The following MTMR3 variants were observed in gnomAD, a reference collection of about 807,000 sequenced individuals.
The protein encoded by MTMR3 is phosphatidylinositol-3,5-bisphosphate 3-phosphatase MTMR3.
MTMR3 carries 32 observed loss-of-function variants against 132.4 expected under a neutral mutation model. The observed-to-expected ratio is 0.24, with a 90% CI of 0.18 to 0.32. MTMR3 has a LOEUF of 0.32. Ranked by LOEUF, MTMR3 falls within the 10% of genes least tolerant of loss-of-function variation. The pLI is 1.00. For synonymous variants in MTMR3, 556 were observed against 550.3 expected (o/e 1.01, Z -0.14); for missense variants, 1,216 against 1,489.6 (o/e 0.82, Z 3.02).
intron 1 of MTMR3, among the ~76,000 whole-genome samples, chr22:29,883,842 G>T (rs1041722745): frequency 1.1e-4 from 16 of 152,196 alleles, no homozygotes; most frequent in African/African-American, 3.1e-4. Context: ...CCTGGGCCTT[G>T]TGGAAAGGAG....
intron 1 of MTMR3, among the ~76,000 whole-genome samples, chr22:29,901,178 A>G (rs1190906537): frequency 2.0e-5 from 3 of 151,956 alleles, no homozygotes; most frequent in African/African-American, 7.2e-5. Context: ...ATTGATGTTA[A>G]TATTTATTAC....
intron 1 of MTMR3, among the ~76,000 whole-genome samples, chr22:29,930,937 G>A (rs1030287195): frequency 2.0e-5 from 3 of 151,068 alleles, no homozygotes; most frequent in African/African-American, 7.3e-5. Context: ...ATCCTGGGAG[G>A]TGGAGGCTGC....
At chr22:29,946,268 GGGA>G (rs2065952500) in intron 1 of MTMR3, among the ~76,000 whole-genome samples, 1 of 152,142 alleles carries the variant, frequency 6.6e-6, no homozygotes, top group African/African-American at 2.4e-5. Flanking sequence ...AGCTGTGGTG[GGGA>G]GAAGAGAGAG....
chr22:29,911,008 A>G (rs542455511), intron 1 of MTMR3, among the ~76,000 whole-genome samples: 60 of 152,314 alleles, frequency 3.9e-4, no homozygotes, highest in African/African-American at 1.3e-3. Flanking sequence ...ACACTTAATT[A>G]TACTAGTAAA....
chr22:30,017,797 T>C, intron 15 of MTMR3, 130 bp from the exon 16 acceptor site: 1 of 1,160,242 alleles, frequency 8.6e-7, no homozygotes, highest in East Asian at 2.4e-5. Flanking sequence ...CCATTGGTGC[T>C]GCTTCTTTGT....
chr22:29,978,843 CAG>C, intron 4 of MTMR3, 91 bp from the exon 5 acceptor site: 1 of 929,006 alleles, frequency 1.1e-6, no homozygotes. Flanking sequence ...ACTTCAGTGG[CAG>C]AGGATTTACC....
At chr22:29,897,783 G>T (rs974482766) in intron 1 of MTMR3, among the ~76,000 whole-genome samples, 4 of 151,976 alleles carry the variant, frequency 2.6e-5, no homozygotes, top group African/African-American at 7.3e-5. Context: ...ATATGCATAC[G>T]GTTGGAGTCC....
At chr22:29,896,871 A>T (rs78176430) in intron 1 of MTMR3, among the ~76,000 whole-genome samples, 167 of 79,442 alleles carry the variant, frequency 2.1e-3, no homozygotes, top group Non-Finnish European at 3.1e-3. Flanking sequence ...GGCTTGTCTC[A>T]CACACACACA....
intron 1 of MTMR3, among the ~76,000 whole-genome samples, chr22:29,895,491 T>A (rs1040931959): frequency 6.6e-6 from 1 of 152,128 alleles, no homozygotes; most frequent in African/African-American, 2.4e-5. Context: ...CTGCAAAAAA[T>A]TTTCTAGATG....
intron 2 of MTMR3, among the ~76,000 whole-genome samples, chr22:29,964,607 T>C (rs887338132): frequency 6.6e-6 from 1 of 152,188 alleles, no homozygotes; most frequent in Non-Finnish European, 1.5e-5. Context: ...TCTAGGCCTC[T>C]ACCTAAACCT....
chr22:29,918,317 C>T (rs568629125), intron 1 of MTMR3, among the ~76,000 whole-genome samples: 8 of 152,252 alleles, frequency 5.3e-5, no homozygotes, highest in African/African-American at 1.7e-4. Context: ...AAAAATAAGT[C>T]CATGGTGTTA....
At chr22:29,967,193 T>TGTG (rs2066439375) in intron 2 of MTMR3, among the ~76,000 whole-genome samples, 1 of 141,958 alleles carries the variant, frequency 7.0e-6, no homozygotes, top group Non-Finnish European at 1.5e-5. Flanking sequence ...TTCACCTCTG[T>TGTG]TGTGTGTGTG....
At chr22:29,989,830 A>C (rs1314085861) in intron 6 of MTMR3, 2 of 152,170 alleles carry the variant, frequency 1.3e-5, no homozygotes, top group African/African-American at 4.8e-5. Flanking sequence ...CTTGCAACTA[A>C]AAACAGTCTG....
chr22:29,956,940 T>TAA (rs1199342049), intron 1 of MTMR3, 96 bp from the exon 2 acceptor site: 97 of 152,476 alleles, frequency 6.4e-4, no homozygotes, highest in African/African-American at 2.3e-3. Context: ...CATAGCATTA[T>TAA]GACTGGTAGA....
At chr22:29,887,812 G>A (rs1390338613) in intron 1 of MTMR3, among the ~76,000 whole-genome samples, 1 of 152,112 alleles carries the variant, frequency 6.6e-6, no homozygotes, top group Non-Finnish European at 1.5e-5. Flanking sequence ...TGAAATCAAT[G>A]TACTTATTTA....
At chr22:29,909,658 T>C (rs1323109752) in intron 1 of MTMR3, among the ~76,000 whole-genome samples, 1 of 152,198 alleles carries the variant, frequency 6.6e-6, no homozygotes, top group East Asian at 1.9e-4. Flanking sequence ...GACCTGGACT[T>C]CTCCCCTCCA....
Position 29,971,070 on chromosome 22 carries a change from C to T in MTMR3, c.3+8C>T, listed in dbSNP as rs749681647. On this transcript the variant is annotated splice_region_variant and intron_variant, in intron 3 of 19. Coordinates refer to ENST00000401950, the MANE Select transcript of MTMR3 (RefSeq NM_021090.4). Reference sequence around the variant, plus strand: ...TCTGGGCCTCTTGTCATGGTAAGTACAAGGAAATAAGAGTAAAAAAAAAAA... The same window carrying T: ...TCTGGGCCTCTTGTCATGGTAAGTATAAGGAAATAAGAGTAAAAAAAAAAA... 6.4e-7 allele frequency: 1 copy of T among 1,572,396 alleles called. No homozygotes were observed. Among genetic ancestry groups the T allele is most frequent in the Non-Finnish European group, 8.6e-7 (1 of 1,161,728 alleles).
intron 1 of MTMR3, among the ~76,000 whole-genome samples, chr22:29,912,775 G>T (rs2065238664): frequency 6.6e-6 from 1 of 152,144 alleles, no homozygotes; most frequent in Non-Finnish European, 1.5e-5. Context: ...AAATATTCCA[G>T]TCCCAAAATA....
intron 18 of MTMR3, 59 bp downstream of exon 18, chr22:30,022,198 C>A: frequency 7.3e-7 from 1 of 1,365,368 alleles, no homozygotes; most frequent in South Asian, 1.2e-5. Context: ...GGTTCTTCTC[C>A]ACCCCCATTC....
Sources: allele counts gnomAD v4.1 joint callset (sites outside exome capture counted in the v4.1 genomes callset), GRCh38; gene constraint gnomAD v4.1.1; transcripts MANE v1.5; gene names NCBI Gene and HGNC (gene_info 2026-07-23, HGNC 2026-07-21).